FILIP1: variants seen among roughly 807,000 people sequenced by gnomAD.
FILIP1 encodes the protein filamin-A-interacting protein 1.
Under a neutral mutation model 102.1 loss-of-function variants are expected in FILIP1, and 61 were observed. That is an observed-to-expected ratio of 0.60 (90% CI 0.49 to 0.74). FILIP1 has a LOEUF of 0.74. FILIP1 is among the 30% of genes least tolerant of loss of function. The pLI, the probability that FILIP1 is intolerant of heterozygous loss-of-function variation, is 0.00. For missense variants in FILIP1, 1,314 were observed against 1,441.2 expected, an observed-to-expected ratio of 0.91 and a Z score of 1.43; for synonymous variants, 491 against 526.9, an observed-to-expected ratio of 0.93 and a Z score of 0.93.
intron 1 of FILIP1, among the ~76,000 whole-genome samples, chr6:75,463,587 G>T (rs1038248763): frequency 1.3e-5 from 2 of 152,092 alleles, no homozygotes; most frequent in Non-Finnish European, 2.9e-5. Context: ...CAGTTTTCTG[G>T]ATATCATAAA....
intron 1 of FILIP1, among the ~76,000 whole-genome samples, chr6:75,451,785 G>A (rs1300774174): frequency 6.6e-6 from 1 of 152,068 alleles, no homozygotes; most frequent in African/African-American, 2.4e-5. Context: ...AGTGAGCCGA[G>A]ATTGAGCCAT....
At chr6:75,473,275 G>A (rs1459996659) in intron 1 of FILIP1, among the ~76,000 whole-genome samples, 2 of 152,150 alleles carry the variant, frequency 1.3e-5, no homozygotes, top group Non-Finnish European at 2.9e-5. Context: ...ATGTTACAGA[G>A]TGAGATAAAG....
At chr6:75,440,770 A>G (rs1356364151) in intron 1 of FILIP1, among the ~76,000 whole-genome samples, 5 of 152,028 alleles carry the variant, frequency 3.3e-5, no homozygotes, top group Non-Finnish European at 7.4e-5. Context: ...ACCAACATGG[A>G]GAAACACCAT....
intron 1 of FILIP1, among the ~76,000 whole-genome samples, chr6:75,458,502 C>T (rs116436378): frequency 2.3e-3 from 354 of 152,246 alleles, no homozygotes; most frequent in African/African-American, 8.1e-3. Flanking sequence ...AAACTGGTTC[C>T]ATTTCTGTGT....
exon 7 of FILIP1, chr6:75,292,233 G>A (rs1242691511): frequency 6.6e-6 from 1 of 152,126 alleles, no homozygotes; most frequent in African/African-American, 2.4e-5. Flanking sequence ...AGAATATCTG[G>A]CCACATTATA....
downstream of FILIP1, among the ~76,000 whole-genome samples, chr6:75,305,665 T>C (rs1772965170): frequency 6.6e-6 from 1 of 152,218 alleles, no homozygotes; most frequent in South Asian, 2.1e-4. Flanking sequence ...GAATCATGCA[T>C]GTAAGCTGGA....
chr6:75,452,535 T>C (rs1449174257), intron 1 of FILIP1, among the ~76,000 whole-genome samples: 1 of 152,174 alleles, frequency 6.6e-6, no homozygotes, highest in Non-Finnish European at 1.5e-5. Flanking sequence ...TGGTTCCAAG[T>C]CTTTGCTATA....
At chr6:75,398,483 A>G in intron 2 of FILIP1, among the ~76,000 whole-genome samples, 1 of 152,200 alleles carries the variant, frequency 6.6e-6, no homozygotes, top group Admixed American at 6.6e-5. Flanking sequence ...TCTCCTAAGG[A>G]TCACTGAGGC....
intron 1 of FILIP1, among the ~76,000 whole-genome samples, chr6:75,488,427 T>C (rs1184163270): frequency 2.0e-5 from 3 of 151,048 alleles, no homozygotes; most frequent in East Asian, 1.9e-4. Context: ...AGCTAAAACA[T>C]AGACTGACCA....
intron 3 of FILIP1, among the ~76,000 whole-genome samples, chr6:75,355,263 A>C (rs112189376): frequency 0.018 from 2,785 of 152,162 alleles, 77 homozygotes; most frequent in East Asian, 0.11. Flanking sequence ...CCACTGCACT[A>C]CAGCCTGGGC....
At chr6:75,341,960 T>C (rs539881337) in intron 4 of FILIP1, among the ~76,000 whole-genome samples, 1 of 152,346 alleles carries the variant, frequency 6.6e-6, no homozygotes, top group Admixed American at 6.5e-5. Context: ...TATTACATGC[T>C]ATGCCTTGTG....
intron 1 of FILIP1, chr6:75,465,361 C>A (rs1779132565): frequency 2.3e-6 from 1 of 440,766 alleles, no homozygotes; most frequent in Non-Finnish European, 4.1e-6. Context: ...CAGAAGCAGC[C>A]CTTTTGTAAG....
At chr6:75,441,689 G>T (rs1778244797) in intron 1 of FILIP1, among the ~76,000 whole-genome samples, 2 of 149,230 alleles carry the variant, frequency 1.3e-5, no homozygotes. Flanking sequence ...CCCTGACGGG[G>T]CGGCTGGCCG....
chr6:75,372,623 A>G (rs866104193), intron 2 of FILIP1, among the ~76,000 whole-genome samples: 5 of 35,070 alleles, frequency 1.4e-4, no homozygotes, highest in African/African-American at 7.0e-4. Context: ...AAGAAAGAAA[A>G]AGAAAGAAAG....
chr6:75,314,483 G>A lies in FILIP1; in HGVS notation c.1349C>T (p.Thr450Ile), dbSNP rs1226651077. The change falls in exon 5 of 6, where the codon ACC becomes ATC. Residue 450 changes from threonine to isoleucine, a missense_variant. Physicochemically the swap from Thr to Ile is moderately conservative, Grantham distance 89. This residue lies in a region of FILIP1 where 4 missense variants were observed against 16.9 expected (regional missense o/e 0.24). Coordinates refer to ENST00000237172, the MANE Select transcript of FILIP1 (RefSeq NM_015687.5). ...EAFSKSKSEC[T>I]QLHLNLEKEK... ...TTTCTCCAGATTTAAATGTAGCTGGGTGCACTCAGATTTACTCTTGCTAAA... is the reference window on the plus strand; with the variant it reads ...TTTCTCCAGATTTAAATGTAGCTGGATGCACTCAGATTTACTCTTGCTAAA... 6.2e-7 allele frequency: 1 copy of A among 1,604,150 alleles called. No individual in the cohort carries two copies. Among genetic ancestry groups the A allele is most frequent in the Non-Finnish European group, 8.5e-7 (1 of 1,177,474 alleles).
intron 1 of FILIP1, among the ~76,000 whole-genome samples, chr6:75,474,142 T>A (rs1488663978): frequency 2.6e-5 from 4 of 152,166 alleles, no homozygotes; most frequent in Non-Finnish European, 5.9e-5. Context: ...ATGTTAGAAA[T>A]ATAGTCTTCT....
At chr6:75,466,113 C>T (rs564405939) in intron 1 of FILIP1, among the ~76,000 whole-genome samples, 3 of 152,284 alleles carry the variant, frequency 2.0e-5, no homozygotes, top group African/African-American at 7.2e-5. Flanking sequence ...ACCTGCTCCA[C>T]GAGGCATTCC....
chr6:75,306,797 G>A (rs545487075), downstream of FILIP1, among the ~76,000 whole-genome samples: 11 of 123,852 alleles, frequency 8.9e-5, no homozygotes, highest in Admixed American at 9.1e-4. Context: ...CTGTCGCCCA[G>A]GCTGGAGTGC....
At chr6:75,414,007 A>G (rs893120853) in intron 2 of FILIP1, among the ~76,000 whole-genome samples, 9 of 150,770 alleles carry the variant, frequency 6.0e-5, no homozygotes, top group Non-Finnish European at 1.0e-4. Context: ...TGAGATCCGG[A>G]CAAACCTTCA....
Sources: gnomAD v4.1 joint callset for allele counts (sites outside exome capture counted in the v4.1 genomes callset) on GRCh38, gnomAD v4.1.1 for gene constraint, gnomAD v4.1.1 regional missense constraint, MANE v1.5 for transcripts, NCBI Gene and HGNC (gene_info 2026-07-23, HGNC 2026-07-21) for gene names.